Variants in COL4A2 observed in about 807,000 individuals in gnomAD.
The protein encoded by COL4A2 is collagen alpha-2(IV) chain.
Under a neutral mutation model 200.2 loss-of-function variants are expected in COL4A2, and 99 were observed. That is an observed-to-expected ratio of 0.49 (90% confidence interval 0.42 to 0.58). COL4A2 has a LOEUF of 0.58. Ranked by LOEUF, COL4A2 falls within the 20% of genes least tolerant of loss-of-function variation. The pLI is 0.00. For synonymous variants in COL4A2, 897 were observed against 900.6 expected, an observed-to-expected ratio of 1.00 and a Z score of 0.07; for missense variants, 1,950 against 2,314.1, an observed-to-expected ratio of 0.84 and a Z score of 3.23.
At chr13:110,447,348 A>C (rs1436251594) in intron 18 of COL4A2, among the ~76,000 whole-genome samples, 1 of 152,190 alleles carries the variant, frequency 6.6e-6, no homozygotes, top group Non-Finnish European at 1.5e-5. Context: ...GCTTCAAGGC[A>C]ACTAAATTCC....
intron 27 of COL4A2, chr13:110,468,175 C>T (rs530093743): frequency 8.5e-6 from 4 of 471,262 alleles, no homozygotes; most frequent in East Asian, 6.9e-5. Flanking sequence ...AGGGGGTCTT[C>T]GGAGTGCACC....
At chr13:110,431,571 T>C (rs114201369) in intron 10 of COL4A2, among the ~76,000 whole-genome samples, 2,177 of 152,334 alleles carry the variant, frequency 0.014, 56 homozygotes, top group African/African-American at 0.044. Flanking sequence ...GCGCTGTTGC[T>C]GTTTCACTCC....
chr13:110,467,114 C>G lies in COL4A2; in HGVS notation c.2095+18C>G, dbSNP rs1357811904. On this transcript the variant is annotated intron_variant, in intron 27 of 47. Coordinates refer to ENST00000360467, the MANE Select transcript of COL4A2 (RefSeq NM_001846.4). Reference sequence around the variant, plus strand: ...CCCCACAGGTAATGCACGGAGGGAACCTGGAGTGCACCCAGCCTTCCTCCC... The same window carrying G: ...CCCCACAGGTAATGCACGGAGGGAAGCTGGAGTGCACCCAGCCTTCCTCCC... 1 of 1,613,798 alleles carries G rather than the reference C, an allele frequency of 6.2e-7. No individual in the cohort carries two copies. Among genetic ancestry groups the G allele is most frequent in the Non-Finnish European group, 8.5e-7 (1 of 1,179,906 alleles).
chr13:110,439,207 G>A lies in COL4A2; in HGVS notation c.912+539G>A, dbSNP rs114386406. On this transcript the variant is annotated intron_variant, in intron 15 of 47. Coordinates refer to ENST00000360467, the MANE Select transcript of COL4A2 (RefSeq NM_001846.4). ...ACCACACCTAGCTGAGGGCTGGGAC[G>A]GGTGGTCAGAGCCCTGGGCCCAGGA... 7.1e-3 allele frequency among the ~76,000 whole-genome samples: 1,088 copies of A among 152,280 alleles called. 7 individuals carry two copies. Among genetic ancestry groups the A allele is most frequent in the African/African-American group, 0.022 (927 of 41,562 alleles).
At chr13:110,425,095 T>A in intron 6 of COL4A2, 98 bp downstream of exon 6, 1 of 1,457,522 alleles carries the variant, frequency 6.9e-7, no homozygotes, top group Non-Finnish European at 9.6e-7. Flanking sequence ...ACCTCCTTTT[T>A]TGTTTATGAC....
chr13:110,503,431 CGGTGG>C lies in COL4A2; in HGVS notation c.4090_4094del (p.Val1364ArgfsTer90). 6.3e-7 allele frequency: 1 copy of C among 1,589,774 alleles called. No homozygotes were observed. The highest frequency in any genetic ancestry group is 8.6e-7 in the Non-Finnish European group (1 of 1,167,696). ...ATGGGGAACACTGGACCCACTGGGG[CGGTGG>C]GCGACAGAGGCCCCAAGGGACCCAA... On this transcript the variant is annotated frameshift_variant, in exon 43 of 48. Transcript: ENST00000360467. LOFTEE classifies it high-confidence loss of function.
intron 7 of COL4A2, chr13:110,429,447 C>A: frequency 5.9e-6 from 1 of 170,436 alleles, no homozygotes; most frequent in Admixed American, 5.8e-5. Context: ...TATGTATATG[C>A]CTACTGTTTA....
chr13:110,308,170 G>T (rs1884854808), intron 3 of COL4A2, 47 bp downstream of exon 3: 2 of 1,609,060 alleles, frequency 1.2e-6, no homozygotes, highest in South Asian at 1.1e-5. Context: ...GAGAGTGGTT[G>T]GGACGTTTGA....
rs750797161 is a variant in COL4A2 at position 110,466,077 on chromosome 13, G to A, written c.2038+15G>A. 4.3e-6 allele frequency: 7 copies of A among 1,612,364 alleles called. No individual in the cohort carries two copies. In the Admixed American group the frequency reaches 5.0e-5, roughly 12 times the overall value. On this transcript the variant is annotated intron_variant, in intron 26 of 47. Transcript: ENST00000360467. ...CATCCAGCCAGGTACTCTGGGAAGT[G>A]CAGGTGGCTTTAGGACACTAGAGAA...
chr13:110,413,348 T>A (rs1879919041), intron 4 of COL4A2, among the ~76,000 whole-genome samples: 1 of 152,190 alleles, frequency 6.6e-6, no homozygotes, highest in Admixed American at 6.5e-5. Flanking sequence ...GGTCCCTACC[T>A]CCAAGGGCCT....
chr13:110,475,455 A>G (rs1037055504), intron 29 of COL4A2, among the ~76,000 whole-genome samples: 3 of 152,216 alleles, frequency 2.0e-5, no homozygotes, highest in Admixed American at 6.5e-5. Context: ...CTTCTGGTAG[A>G]ATTTTTTTAA....
At chr13:110,427,308 T>G (rs1880505773) in intron 6 of COL4A2, among the ~76,000 whole-genome samples, 1 of 151,982 alleles carries the variant, frequency 6.6e-6, no homozygotes, top group Admixed American at 6.6e-5. Context: ...TGCCACCATG[T>G]CTGGCTAATT....
chr13:110,355,466 C>G (rs865841325), intron 3 of COL4A2, among the ~76,000 whole-genome samples: 10 of 78,214 alleles, frequency 1.3e-4, no homozygotes, highest in South Asian at 6.4e-4. Flanking sequence ...GAGGGCTGCA[C>G]TAGCTCACCT....
chr13:110,456,563 CTT>C (rs906134044), intron 20 of COL4A2: 21 of 358,366 alleles, frequency 5.9e-5, no homozygotes, highest in East Asian at 2.9e-4. Flanking sequence ...TTTGCAGACT[CTT>C]ATATTTCTTT....
chr13:110,481,288 T>C (rs112307850), intron 31 of COL4A2, among the ~76,000 whole-genome samples: 97 of 21,474 alleles, frequency 4.5e-3, no homozygotes, highest in African/African-American at 7.5e-3. Context: ...TGTTCTGTCC[T>C]TCCGTTGCTG....
At position 110,438,052 on chromosome 13, in the gene COL4A2, G is replaced by A. The variant is rs762275713; in HGVS notation, c.861+15G>A. 2.5e-5 allele frequency: 41 copies of A among 1,611,546 alleles called. No individual in the cohort carries two copies. Among genetic ancestry groups the A allele is most frequent in the Non-Finnish European group, 2.9e-5 (34 of 1,178,160 alleles). ...CAGGAATAAGAGTAAGTCGAGTAAT[G>A]AGCATGCCCCCTCCCCTGTGGCTCC... On this transcript the variant is annotated intron_variant, in intron 14 of 47. Transcript: ENST00000360467.
intron 16 of COL4A2, among the ~76,000 whole-genome samples, chr13:110,442,165 A>G (rs927083350): frequency 2.6e-5 from 4 of 151,690 alleles, no homozygotes; most frequent in African/African-American, 9.7e-5. Flanking sequence ...AATGAAAGAC[A>G]AGATGCTGTG....
chr13:110,476,098 C>T (rs1020056432), intron 29 of COL4A2, among the ~76,000 whole-genome samples: 12 of 152,314 alleles, frequency 7.9e-5, no homozygotes, highest in African/African-American at 2.6e-4. Context: ...GAGGCCATCT[C>T]GCCTGCTCAG....
chr13:110,411,109 A>G (rs999435867), intron 4 of COL4A2, among the ~76,000 whole-genome samples: 11 of 152,126 alleles, frequency 7.2e-5, no homozygotes, highest in African/African-American at 7.2e-5. Context: ...ATCTGTGGTC[A>G]GCACCCAGGC....
Sources: gnomAD v4.1 joint callset for allele counts (sites outside exome capture counted in the v4.1 genomes callset) on GRCh38, gnomAD v4.1.1 for gene constraint, MANE v1.5 for transcripts, NCBI Gene and HGNC (gene_info 2026-07-23, HGNC 2026-07-21) for gene names.